The following PPID variants were observed in gnomAD, a reference collection of about 807,000 sequenced individuals.
The protein encoded by PPID is peptidylprolyl isomerase D.
In PPID, 47 loss-of-function variants were observed where a neutral mutation model predicts 48.1. That is an observed-to-expected ratio of 0.98 (90% confidence interval 0.77 to 1.25). The LOEUF (loss-of-function observed/expected upper bound fraction) is 1.25. Among genes scored for constraint, PPID ranks in the 50% most tolerant of loss-of-function variants. The probability of loss-of-function intolerance (pLI) is 0.00; values close to 1 mark genes in which losing one functional copy is unlikely to be tolerated. For missense variants in PPID, 429 were observed against 443.5 expected (o/e 0.97, Z 0.29); for synonymous variants, 163 against 148.8 (o/e 1.10, Z -0.69).
chr4:158,716,835 C>T (rs985265882), intron 4 of PPID, among the ~76,000 whole-genome samples, 177 bp downstream of exon 4: 3 of 152,054 alleles, frequency 2.0e-5, no homozygotes, highest in African/African-American at 7.2e-5. Flanking sequence ...GTAGCGCGCG[C>T]CTGTAATCCC....
chr4:158,721,476 T>C lies in PPID; in HGVS notation c.93A>G (p.Arg31=). ...TATCTGCAAACAATTCTAAGACAATTCGACCAACTAAAAGAAAAGAAAATC... is the reference window on the plus strand; with the variant it reads ...TATCTGCAAACAATTCTAAGACAATCCGACCAACTAAAAGAAAAGAAAATC... ...DVDIGGERVG[R]IVLELFADIV... is the part of the protein sequence containing the mutation. The change falls in exon 2 of 10, where the codon CGA becomes CGG. Residue 31 remains arginine, a synonymous_variant. Transcript: ENST00000307720. 1 of 1,613,098 alleles carries C rather than the reference T, an allele frequency of 6.2e-7. No individual in the cohort carries two copies.
At chr4:158,719,395 G>T in intron 2 of PPID, 109 bp from the exon 3 acceptor site, 1 of 710,796 alleles carries the variant, frequency 1.4e-6, no homozygotes, top group Non-Finnish European at 2.4e-6. Context: ...CTCTAGTCAT[G>T]TCTCTCTCCT....
Position 158,717,019 on chromosome 4 carries a change from G to A in PPID, c.515C>T (p.Pro172Leu). 1 of 1,611,798 alleles carries A rather than the reference G, an allele frequency of 6.2e-7. No individual in the cohort carries two copies. The change falls in exon 4 of 10, where the codon CCT (proline) becomes CTT (leucine). Residue 172 changes from proline to leucine, a missense_variant. Coordinates refer to ENST00000307720, the MANE Select transcript of PPID (RefSeq NM_005038.3). ...LENVEVKGEK[P>L]AKLCVIAECG... ...CTGTAACTTTTTACTTACTTTAGCAGGTTTTTCACCTTTCACTTCCACATT... is the reference window on the plus strand; with the variant it reads ...CTGTAACTTTTTACTTACTTTAGCAAGTTTTTCACCTTTCACTTCCACATT...
At chr4:158,709,848 A>G (rs1364972087) in intron 9 of PPID, 24 bp from the exon 10 acceptor site, 3 of 1,565,528 alleles carry the variant, frequency 1.9e-6, no homozygotes, top group South Asian at 1.1e-5. Flanking sequence ...ATGCAATGTG[A>G]GTTATTTCTC....
chr4:158,711,292 C>A (rs546142128), intron 7 of PPID, among the ~76,000 whole-genome samples: 1 of 152,086 alleles, frequency 6.6e-6, no homozygotes, highest in South Asian at 2.1e-4. Flanking sequence ...GTGGCCTGAT[C>A]ACAGCTCACT....
chr4:158,720,994 G>A (rs549726523), intron 2 of PPID, among the ~76,000 whole-genome samples: 1 of 152,298 alleles, frequency 6.6e-6, no homozygotes, highest in East Asian at 1.9e-4. Context: ...GATTACAGGC[G>A]TGAGCCACTG....
chr4:158,718,594 G>A (rs1461621457), intron 3 of PPID, among the ~76,000 whole-genome samples: 4 of 152,098 alleles, frequency 2.6e-5, no homozygotes, highest in East Asian at 3.8e-4. Flanking sequence ...GAAGACTGAC[G>A]ACATTTTTTC....
rs570605130 is a variant in PPID at position 158,715,022 on chromosome 4, C to T, written c.752+275G>A. Reference sequence around the variant, plus strand: ...GGGTAAAGTATCACAGTATCAACAACTTCCTATCAAAATAGTTCTGTAAAA... The same window carrying T: ...GGGTAAAGTATCACAGTATCAACAATTTCCTATCAAAATAGTTCTGTAAAA... On this transcript the variant is annotated intron_variant, in intron 6 of 9. Coordinates refer to ENST00000307720, the MANE Select transcript of PPID (RefSeq NM_005038.3). Among the ~76,000 whole-genome samples the T allele has an allele frequency of 2.3e-3, 347 of 152,268 alleles. 1 individual carries two copies. In the Middle Eastern group the frequency reaches 0.034, roughly 15 times the overall value.
intron 6 of PPID, among the ~76,000 whole-genome samples, chr4:158,713,529 C>T (rs144849562): frequency 3.8e-4 from 58 of 152,258 alleles, no homozygotes; most frequent in Middle Eastern, 3.4e-3. Flanking sequence ...CTCAGGTCCC[C>T]ACTATGTACT....
intron 4 of PPID, among the ~76,000 whole-genome samples, chr4:158,715,903 A>G (rs1774863773): frequency 6.6e-6 from 1 of 152,184 alleles, no homozygotes; most frequent in Non-Finnish European, 1.5e-5. Flanking sequence ...TAAACACAGA[A>G]TAAGTTGGCA....
chr4:158,723,391 C>G lies in PPID; in HGVS notation c.-103G>C, dbSNP rs777251782. The G allele has an allele frequency of 7.8e-6, 9 of 1,158,542 alleles. No individual in the cohort carries two copies. Among genetic ancestry groups the G allele is most frequent in the Non-Finnish European group, 1.1e-5 (9 of 799,626 alleles). The allele number at this position is 1,158,542 out of a possible 1,614,324, so 71.8% of individuals were successfully genotyped here. A position where few individuals can be genotyped will look rare whatever the true frequency, so the allele number is the denominator to read the frequency against. ...TCTCCGCCGGAGACCGGCAGCGACG[C>G]TGACCGGCCACTTCCGACGCAAGAA... On this transcript the variant is annotated 5_prime_UTR_variant, in exon 1 of 10. Transcript: ENST00000307720.
Position 158,715,183 on chromosome 4 carries a change from A to C in PPID, c.752+114T>G. The C allele has an allele frequency of 2.3e-6, 2 of 878,780 alleles. 1 individual carries two copies. Among genetic ancestry groups the C allele is most frequent in the African/African-American group, 3.5e-5 (2 of 56,916 alleles). The allele number at this position is 878,780 out of a possible 1,614,324, so 54.4% of individuals were successfully genotyped here. ...AAAAAAAAGGAAATGCAACTATTTC[A>C]ACACACCTGGTTATTCCACAAGTAA... On this transcript the variant is annotated intron_variant, in intron 6 of 9. Coordinates refer to ENST00000307720, the MANE Select transcript of PPID (RefSeq NM_005038.3).
In PPID at chr4:158,713,810, T is replaced by A. The variant is rs545569481; in HGVS notation, c.753-550A>T. Among the ~76,000 whole-genome samples, 20 of 149,740 alleles carry A rather than the reference T, an allele frequency of 1.3e-4. No homozygotes were observed. In the South Asian group the frequency reaches 3.8e-3, roughly 29 times the overall value. The stretch of plus-strand genomic sequence containing the variant: ...AAGTGCTCGCAGACTAATAGGAACA[T>A]GCCAAAGGAAAGGGGCCTTCCACTG... On this transcript the variant is annotated intron_variant, in intron 6 of 9. Transcript: ENST00000307720.
Position 158,709,704 on chromosome 4 carries a change from A to G in PPID, c.*32T>C, listed in dbSNP as rs1774747994. On this transcript the variant is annotated 3_prime_UTR_variant, in exon 10 of 10. Coordinates refer to ENST00000307720, the MANE Select transcript of PPID (RefSeq NM_005038.3). The stretch of plus-strand genomic sequence containing the variant: ...TACATTTTCTTATTGCATTTATACA[A>G]TCAACACACAATAAGCAAAACTGAA... 1.4e-6 allele frequency: 2 copies of G among 1,472,072 alleles called. No individual in the cohort carries two copies. Among genetic ancestry groups the G allele is most frequent in the Non-Finnish European group, 1.9e-6 (2 of 1,059,024 alleles). 91.2% of individuals were successfully genotyped at this position (1,472,072 alleles called of 1,614,324 possible).
At chr4:158,714,796 G>A (rs1774843568) in intron 6 of PPID, among the ~76,000 whole-genome samples, 1 of 152,062 alleles carries the variant, frequency 6.6e-6, no homozygotes, top group African/African-American at 2.4e-5. Flanking sequence ...CACCATATTG[G>A]CCAGGCTGGT....
intron 4 of PPID, 116 bp downstream of exon 4, chr4:158,716,896 G>GGCT: frequency 9.9e-7 from 1 of 1,014,796 alleles, no homozygotes. Context: ...GGGAGACAGA[G>GGCT]GCTGCAGTGA....
chr4:158,712,971 AG>A, intron 7 of PPID, 147 bp downstream of exon 7: 1 of 776,320 alleles, frequency 1.3e-6, no homozygotes, highest in Non-Finnish European at 2.0e-6. Context: ...GAAAGAACTG[AG>A]GGTCCAAAAT....
intron 3 of PPID, among the ~76,000 whole-genome samples, chr4:158,718,283 T>C (rs769651114): frequency 2.6e-5 from 4 of 152,234 alleles, no homozygotes; most frequent in Non-Finnish European, 4.4e-5. Context: ...CTCAGACATG[T>C]TGCCGCCTTG....
chr4:158,720,697 A>ATAAC (rs77271951), intron 2 of PPID, among the ~76,000 whole-genome samples: 632 of 58,082 alleles, frequency 0.011, 1 homozygote, highest in African/African-American at 0.033. Flanking sequence ...AAAATTATGC[A>ATAAC]TTTTTTTGTT....
Sources: allele counts gnomAD v4.1 joint callset (sites outside exome capture counted in the v4.1 genomes callset), GRCh38; gene constraint gnomAD v4.1.1; transcripts MANE v1.5; gene names NCBI Gene and HGNC (gene_info 2026-07-23, HGNC 2026-07-21).